AFAP1L2: variants seen among roughly 807,000 people sequenced by gnomAD.
AFAP1L2 encodes actin filament-associated protein 1-like 2.
AFAP1L2 carries 46 observed loss-of-function variants against 99.3 expected under a neutral mutation model. The observed-to-expected ratio is 0.46, with a 90% CI of 0.37 to 0.59. The LOEUF is 0.59. AFAP1L2 is among the 20% of genes least tolerant of loss of function. The pLI, the probability that AFAP1L2 is intolerant of heterozygous loss-of-function variation, is 0.00. For synonymous variants in AFAP1L2, 397 were observed against 419.1 expected (o/e 0.95, Z 0.64); for missense variants, 959 against 1,034.9 (o/e 0.93, Z 1.01).
Position 114,294,927 on chromosome 10 carries a change from T to A in AFAP1L2, c.*1115A>T. 1.0e-6 allele frequency: 1 copy of A among 983,680 alleles called. No individual in the cohort carries two copies. The highest frequency in any genetic ancestry group is 1.2e-6 in the Non-Finnish European group (1 of 828,616). 60.9% of individuals were successfully genotyped at this position (983,680 alleles called of 1,614,324 possible). A position where few individuals can be genotyped will look rare whatever the true frequency, so the allele number is the denominator to read the frequency against. ...AGAGGAAATAAGAATAAAAAAGACA[T>A]TTAGTTCTCAGGAACAAGTGTTAGA... is the stretch of plus-strand genomic sequence containing the variant. On this transcript the variant is annotated 3_prime_UTR_variant, in exon 19 of 19. Coordinates refer to ENST00000304129, the MANE Select transcript of AFAP1L2 (RefSeq NM_001001936.3).
At chr10:114,302,223 TG>T in intron 12 of AFAP1L2, 115 bp downstream of exon 12, 1 of 1,421,472 alleles carries the variant, frequency 7.0e-7, no homozygotes, top group Non-Finnish European at 9.7e-7. Flanking sequence ...TTCCTGCTGC[TG>T]GGCAGAGTGG....
chr10:114,355,208 T>TG (rs935847498), intron 1 of AFAP1L2, among the ~76,000 whole-genome samples: 7 of 150,260 alleles, frequency 4.7e-5, no homozygotes, highest in Admixed American at 4.0e-4. Flanking sequence ...TGGATGCGGG[T>TG]GGGGGGAGGT....
chr10:114,346,559 G>A (rs757588725), intron 1 of AFAP1L2, among the ~76,000 whole-genome samples: 17 of 152,132 alleles, frequency 1.1e-4, no homozygotes, highest in Admixed American at 2.0e-4. Context: ...GGGAGGGGTG[G>A]GCATCCCTTA....
intron 4 of AFAP1L2, chr10:114,325,737 C>A (rs2046167326): frequency 1.3e-6 from 1 of 778,956 alleles, no homozygotes; most frequent in Non-Finnish European, 1.8e-6. Context: ...CCAGCCCCAG[C>A]CTGGTACAAG....
intron 1 of AFAP1L2, among the ~76,000 whole-genome samples, chr10:114,350,981 T>A (rs2050386497): frequency 6.6e-6 from 1 of 152,108 alleles, no homozygotes; most frequent in African/African-American, 2.4e-5. Context: ...AAGAGTGGCT[T>A]CATTCAGAGC....
chr10:114,351,613 A>C (rs934043885), intron 1 of AFAP1L2, among the ~76,000 whole-genome samples: 1 of 152,224 alleles, frequency 6.6e-6, no homozygotes. Flanking sequence ...CCACTGGACC[A>C]CCAGGCAAAA....
At chr10:114,394,586 G>A (rs1361164519) in intron 1 of AFAP1L2, among the ~76,000 whole-genome samples, 1 of 152,090 alleles carries the variant, frequency 6.6e-6, no homozygotes, top group African/African-American at 2.4e-5. Context: ...GAAAAAGTGG[G>A]AGAAAGTCAA....
chr10:114,311,152 G>T (rs2043182429), intron 7 of AFAP1L2, among the ~76,000 whole-genome samples: 1 of 152,184 alleles, frequency 6.6e-6, no homozygotes. Context: ...AAGGGAGGCT[G>T]GGTCCGGAAA....
chr10:114,379,303 G>A (rs1314973262), intron 1 of AFAP1L2, among the ~76,000 whole-genome samples: 2 of 151,764 alleles, frequency 1.3e-5, no homozygotes, highest in African/African-American at 2.4e-5. Flanking sequence ...CCATAAGAAA[G>A]CACCTGCCCT....
At chr10:114,331,692 C>T (rs2047256346) in intron 4 of AFAP1L2, 111 bp downstream of exon 4, 1 of 739,384 alleles carries the variant, frequency 1.4e-6, no homozygotes, top group African/African-American at 1.8e-5. Flanking sequence ...TCCCTGAACA[C>T]AGTAGCTGCT....
At chr10:114,358,361 G>A (rs1201275697) in intron 1 of AFAP1L2, among the ~76,000 whole-genome samples, 3 of 152,192 alleles carry the variant, frequency 2.0e-5, no homozygotes, top group Admixed American at 2.0e-4. Flanking sequence ...GCCAAATGAT[G>A]ACAAAGGATA....
At chr10:114,390,032 C>A (rs2056948531) in intron 1 of AFAP1L2, among the ~76,000 whole-genome samples, 1 of 152,226 alleles carries the variant, frequency 6.6e-6, no homozygotes, top group African/African-American at 2.4e-5. Flanking sequence ...ATACCCCATT[C>A]TCCTCCCGCA....
chr10:114,295,867 T>G lies in AFAP1L2; in HGVS notation c.*175A>C. 1 of 1,464,914 alleles carries G rather than the reference T, an allele frequency of 6.8e-7. No individual in the cohort carries two copies. Among genetic ancestry groups the G allele is most frequent in the African/African-American group, 1.4e-5 (1 of 71,222 alleles). The allele number at this position is 1,464,914 out of a possible 1,614,324, so 90.7% of individuals were successfully genotyped here. A position where few individuals can be genotyped will look rare whatever the true frequency, so the allele number is the denominator to read the frequency against. The stretch of plus-strand genomic sequence containing the variant: ...CCTCCTTTTTGTTGTATTATTTCCT[T>G]TGGCTCTGAAAAGGGACAGAGCCTC... On this transcript the variant is annotated 3_prime_UTR_variant, in exon 19 of 19. Coordinates refer to ENST00000304129, the MANE Select transcript of AFAP1L2 (RefSeq NM_001001936.3).
chr10:114,286,052 C>T, the AFAP1L2 span: 807 of 1,613,990 alleles, frequency 5.0e-4, no homozygotes, highest in Non-Finnish European at 4.9e-4. Flanking sequence ...GCGGTTTGTG[C>T]GGGCCGTGCT....
chr10:114,307,952 C>G, intron 9 of AFAP1L2, 43 bp from the exon 10 acceptor site: 3 of 1,543,508 alleles, frequency 1.9e-6, no homozygotes, highest in East Asian at 2.2e-5. Flanking sequence ...GCACGTGGTC[C>G]ACCCACGTGC....
chr10:114,291,407 T>G (rs2039588100), downstream of AFAP1L2: 1 of 712,134 alleles, frequency 1.4e-6, no homozygotes, highest in Non-Finnish European at 2.2e-6. Context: ...GGGAGGAGGA[T>G]GTCCCAACTG....
the AFAP1L2 span, among the ~76,000 whole-genome samples, chr10:114,282,916 T>C: frequency 1.2e-4 from 19 of 152,264 alleles, no homozygotes; most frequent in East Asian, 5.8e-4. Context: ...CTATAAAACA[T>C]AGTGGTTTGT....
At position 114,297,068 on chromosome 10, in the gene AFAP1L2, G is replaced by C; in HGVS notation, c.2340C>G (p.Asp780Glu). The C allele has an allele frequency of 1.2e-6, 2 of 1,614,210 alleles. No individual in the cohort carries two copies. Among genetic ancestry groups the C allele is most frequent in the Non-Finnish European group, 1.7e-6 (2 of 1,180,036 alleles). ...PKAVTPASAP[D>E]CTPVNSATTL... ...TGGTTGCAGAGTTGACTGGGGTACA[G>C]TCTGGGGCAGAGGCAGGTGTGACAG... The change falls in exon 18 of 19, where the codon GAC becomes GAG. Residue 780 changes from aspartate to glutamate, a missense_variant. Transcript: ENST00000304129.
At chr10:114,355,140 G>A (rs73367197) in intron 1 of AFAP1L2, among the ~76,000 whole-genome samples, 14,799 of 152,194 alleles carry the variant, frequency 0.097, 1,880 homozygotes, top group African/African-American at 0.29. Context: ...CAAACACCGA[G>A]GGGTATGGCT....
Sources: gnomAD v4.1 joint callset for allele counts (sites outside exome capture counted in the v4.1 genomes callset) on GRCh38, gnomAD v4.1.1 for gene constraint, MANE v1.5 for transcripts, NCBI Gene and HGNC (gene_info 2026-07-23, HGNC 2026-07-21) for gene names.